The following BBS9 variants were observed in gnomAD, a reference collection of about 807,000 sequenced individuals.
BBS9 encodes the protein Bardet-Biedl syndrome 9, also known as protein PTHB1.
In BBS9, 89 loss-of-function variants were observed where a neutral mutation model predicts 117.7. That is an observed-to-expected ratio of 0.76 (90% CI 0.64 to 0.90). The LOEUF is 0.90. BBS9 is among the 40% of genes least tolerant of loss of function. BBS9 has a pLI of 0.00. For synonymous variants in BBS9, 379 were observed against 370.9 expected (o/e 1.02, Z -0.25); for missense variants, 982 against 1,042.2 (o/e 0.94, Z 0.80).
rs1324761404 is a variant in BBS9, at chr7:33,514,009, C to T, written c.2298+8364C>T. ...GCACTAAAAGCAGTAACCTAAAATC[C>T]ATTTGGTACCATAATGTTTACATTT... On this transcript the variant is annotated intron_variant, in intron 20 of 22. Coordinates refer to ENST00000242067, the MANE Select transcript of BBS9 (RefSeq NM_198428.3). 2.0e-5 allele frequency among the ~76,000 whole-genome samples: 3 copies of T among 152,272 alleles called. No homozygotes were observed. In the East Asian group the frequency reaches 5.8e-4, roughly 29 times the overall value.
At chr7:33,271,951 A>G (rs776503839) in intron 7 of BBS9, among the ~76,000 whole-genome samples, 14 of 152,190 alleles carry the variant, frequency 9.2e-5, no homozygotes, top group Non-Finnish European at 1.5e-4. Flanking sequence ...TAAACTACAC[A>G]ATCGGATATA....
At chr7:33,273,462 A>G (rs73690081) in intron 8 of BBS9, among the ~76,000 whole-genome samples, 103 of 152,318 alleles carry the variant, frequency 6.8e-4, no homozygotes, top group Middle Eastern at 3.4e-3. Context: ...TGGCTATTCA[A>G]GATGCTTTCA....
At chr7:33,629,891 A>G (rs1198399961) in intron 21 of BBS9, among the ~76,000 whole-genome samples, 1 of 152,242 alleles carries the variant, frequency 6.6e-6, no homozygotes, top group Non-Finnish European at 1.5e-5. Flanking sequence ...GAGTTCCTCT[A>G]AAACTCCTCT....
chr7:33,164,336 T>C (rs1271282252), intron 4 of BBS9, among the ~76,000 whole-genome samples: 1 of 152,202 alleles, frequency 6.6e-6, no homozygotes, highest in South Asian at 2.1e-4. Context: ...TCTGTAGATG[T>C]CTATTAGGTA....
rs544152613 is a variant in BBS9, at chr7:33,409,708, G to A, written c.2115+21564G>A. Among the ~76,000 whole-genome samples, 6 of 152,278 alleles carry A rather than the reference G, an allele frequency of 3.9e-5. No individual in the cohort carries two copies. The East Asian group carries it at 1.2e-3, about 29-fold the overall frequency. On this transcript the variant is annotated intron_variant, in intron 19 of 22. Transcript: ENST00000242067. ...TTTTTTAAAAATTATAGTCATTCTA[G>A]TAGGTGTGTAGTGGTAGCTCATTGT...
At chr7:33,245,835 A>C (rs1795252889) in intron 5 of BBS9, among the ~76,000 whole-genome samples, 1 of 152,156 alleles carries the variant, frequency 6.6e-6, no homozygotes, top group South Asian at 2.1e-4. Flanking sequence ...TAAGGACTTA[A>C]GATATAAGGA....
At chr7:33,519,079 AGAGAG>A (rs981979416) in intron 20 of BBS9, among the ~76,000 whole-genome samples, 1 of 152,210 alleles carries the variant, frequency 6.6e-6, no homozygotes, top group Non-Finnish European at 1.5e-5. Context: ...AAGTAATTAA[AGAGAG>A]GAGAGAAAAA....
At chr7:33,596,822 C>G (rs1386607358) in intron 21 of BBS9, among the ~76,000 whole-genome samples, 8 of 152,078 alleles carry the variant, frequency 5.3e-5, no homozygotes. Context: ...TCCTGTCTCC[C>G]TCTCTCCTGC....
intron 19 of BBS9, among the ~76,000 whole-genome samples, chr7:33,404,125 C>G (rs1415315515): frequency 1.3e-5 from 2 of 152,024 alleles, no homozygotes; most frequent in African/African-American, 4.8e-5. Context: ...GCTTGTTTTT[C>G]TCAGGTTTGT....
chr7:33,505,489 G>A lies in BBS9; in HGVS notation c.2142G>A (p.Glu714=), dbSNP rs1846024220. The A allele has an allele frequency of 1.2e-6, 2 of 1,614,038 alleles. No homozygotes were observed. The highest frequency in any genetic ancestry group is 1.3e-5 in the African/African-American group (1 of 74,936). Residue 714 remains glutamate, a synonymous_variant, in exon 20 of 23, where the codon GAG becomes GAA. Transcript: ENST00000242067. ...TAATTGCTCTAGCAGATGCAGTGGA[G>A]GAAAACCAAGGCAATCTGTTCCAGT... The part of the protein sequence containing the change: ...KQVIALADAV[E]ENQGNLFQSF...
intron 20 of BBS9, 68 bp downstream of exon 20, chr7:33,505,713 A>C: frequency 1.3e-6 from 2 of 1,518,140 alleles, no homozygotes; most frequent in Non-Finnish European, 1.8e-6. Flanking sequence ...GGAAGATATC[A>C]CATGGCTATC....
At position 33,368,222 on chromosome 7, in the gene BBS9, C is replaced by G. The variant is rs570044972; in HGVS notation, c.1789+360C>G. 5.0e-4 allele frequency among the ~76,000 whole-genome samples: 76 copies of G among 152,174 alleles called. 1 individual carries two copies. In the South Asian group the frequency reaches 6.0e-3, roughly 12 times the overall value. ...ATTTTTGAGGTAGGTATATGGTGAACTAGATTTGGGAACTCCTAGAACTTG... is the reference window on the plus strand; with the variant it reads ...ATTTTTGAGGTAGGTATATGGTGAAGTAGATTTGGGAACTCCTAGAACTTG... On this transcript the variant is annotated intron_variant, in intron 17 of 22. Coordinates refer to ENST00000242067, the MANE Select transcript of BBS9 (RefSeq NM_198428.3).
chr7:33,504,590 G>T (rs548983592), intron 19 of BBS9, among the ~76,000 whole-genome samples: 1 of 152,198 alleles, frequency 6.6e-6, no homozygotes, highest in East Asian at 1.9e-4. Flanking sequence ...CCTGGCTTTT[G>T]CTAATGCTGT....
intron 21 of BBS9, among the ~76,000 whole-genome samples, chr7:33,574,694 C>CACACACACAT (rs1858421014): frequency 2.2e-5 from 3 of 138,118 alleles, no homozygotes; most frequent in African/African-American, 9.1e-5. Flanking sequence ...AACACACACA[C>CACACACACAT]ACACACACAC....
At position 33,411,857 on chromosome 7, in the gene BBS9, A is replaced by T. The variant is rs539014350; in HGVS notation, c.2115+23713A>T. Among the ~76,000 whole-genome samples, 11 of 152,250 alleles carry T rather than the reference A, an allele frequency of 7.2e-5. No individual in the cohort carries two copies. In the South Asian group the frequency reaches 2.3e-3, roughly 32 times the overall value. ...CTTTATGATTAGAGGAGGTATATAA[A>T]GATGTTTATAATATGGTGTATAGCC... On this transcript the variant is annotated intron_variant, in intron 19 of 22. Transcript: ENST00000242067.
intron 20 of BBS9, among the ~76,000 whole-genome samples, chr7:33,532,228 C>T (rs1478268979): frequency 6.6e-6 from 1 of 152,146 alleles, no homozygotes; most frequent in African/African-American, 2.4e-5. Context: ...GCATGAGCGA[C>T]GGCCATGTGC....
At chr7:33,355,839 C>T (rs1250410190) in intron 15 of BBS9, among the ~76,000 whole-genome samples, 4 of 151,844 alleles carry the variant, frequency 2.6e-5, no homozygotes, top group Non-Finnish European at 5.9e-5. Context: ...TAATAATCTT[C>T]AAATATATAG....
chr7:33,196,804 A>G (rs549374963), intron 5 of BBS9, among the ~76,000 whole-genome samples: 18 of 152,334 alleles, frequency 1.2e-4, no homozygotes, highest in African/African-American at 4.1e-4. Context: ...TTTCTCATAT[A>G]CATGGCATTC....
At chr7:33,316,741 T>TTGTTATAG (rs981551701) in intron 9 of BBS9, among the ~76,000 whole-genome samples, 3 of 152,160 alleles carry the variant, frequency 2.0e-5, no homozygotes, top group African/African-American at 7.2e-5. Flanking sequence ...TTTTTTTTGG[T>TTGTTATAG]TGTTATAGTA....
Sources: allele counts gnomAD v4.1 joint callset (sites outside exome capture counted in the v4.1 genomes callset), GRCh38; gene constraint gnomAD v4.1.1; transcripts MANE v1.5; gene names NCBI Gene and HGNC (gene_info 2026-07-23, HGNC 2026-07-21).